The following ZNFX1 variants were observed in gnomAD, a reference collection of about 807,000 sequenced individuals.
The protein encoded by ZNFX1 is NFX1-type zinc finger-containing protein 1.
In ZNFX1, 78 loss-of-function variants were observed where a neutral mutation model predicts 179.8. That is an observed-to-expected ratio of 0.43 (90% CI 0.36 to 0.52). ZNFX1 has a LOEUF of 0.52. Among genes scored for constraint, ZNFX1 ranks in the 20% least tolerant of loss-of-function variants. The pLI is 0.00. For missense variants in ZNFX1, 1,927 were observed against 2,386.6 expected (o/e 0.81, Z 4.01); for synonymous variants, 848 against 868.5 (o/e 0.98, Z 0.42).
chr20:49,252,648 T>C, intron 12 of ZNFX1, 72 bp downstream of exon 12: 1 of 1,065,064 alleles, frequency 9.4e-7, no homozygotes, highest in South Asian at 1.3e-5. Context: ...GAGACCTCTT[T>C]TGCTGGCAAC....
At chr20:49,275,204 G>A (rs551288580) in intron 2 of ZNFX1, among the ~76,000 whole-genome samples, 11 of 152,078 alleles carry the variant, frequency 7.2e-5, no homozygotes, top group African/African-American at 2.2e-4. Context: ...TACACCAAAC[G>A]TCATTTCCCT....
In ZNFX1 at chr20:49,247,102, C is replaced by T. The variant is rs1030604431; in HGVS notation, c.*165G>A. On this transcript the variant is annotated 3_prime_UTR_variant, in exon 14 of 14. Transcript: ENST00000396105. ...CAGGCTGGTCTCGAACTCCTGACCT[C>T]GTGATCCGCCTGCCTCGGCCTCCCA... is the stretch of plus-strand genomic sequence containing the variant. The T allele has an allele frequency of 2.1e-5, 18 of 877,646 alleles. No individual in the cohort carries two copies. Among genetic ancestry groups the T allele is most frequent in the Admixed American group, 1.2e-4 (4 of 33,916 alleles). 54.4% of individuals were successfully genotyped at this position (877,646 alleles called of 1,614,324 possible). A position where few individuals can be genotyped will look rare whatever the true frequency, so the allele number is the denominator to read the frequency against.
At chr20:49,271,777 C>T (rs1428844132) in intron 2 of ZNFX1, 27 bp from the exon 3 acceptor site, 3 of 1,561,228 alleles carry the variant, frequency 1.9e-6, no homozygotes, top group Non-Finnish European at 2.6e-6. Flanking sequence ...ATTGAGTAAC[C>T]ACAAGAACCA....
chr20:49,274,035 A>T (rs982387754), intron 2 of ZNFX1, among the ~76,000 whole-genome samples: 2 of 152,242 alleles, frequency 1.3e-5, no homozygotes, highest in Non-Finnish European at 2.9e-5. Context: ...CTTATGGAAA[A>T]GCAGGAATCC....
At position 49,271,306 on chromosome 20, in the gene ZNFX1, C is replaced by A. The variant is rs764150528; in HGVS notation, c.506G>T (p.Gly169Val). The change falls in exon 3 of 14, where the codon GGG (glycine) becomes GTG (valine). Residue 169 changes from glycine (G) to valine (V), a missense_variant. Gly to Val is a moderately radical substitution (Grantham distance 109). Transcript: ENST00000396105. ...AGAATGAGAAAGGAGCTCTTTCAGCCCTAAACTTGTGGCAAGTGTGATGAC... is the reference window on the plus strand; with the variant it reads ...AGAATGAGAAAGGAGCTCTTTCAGCACTAAACTTGTGGCAAGTGTGATGAC... The part of the protein sequence containing the change: ...EVVITLATSL[G>V]LKELLSHSSM... 6.2e-7 allele frequency: 1 copy of A among 1,614,140 alleles called. No individual in the cohort carries two copies. The highest frequency in any genetic ancestry group is 8.5e-7 in the Non-Finnish European group (1 of 1,180,022).
rs1261525482 is a variant in ZNFX1, at chr20:49,257,553, A to G, written c.2528T>C (p.Val843Ala). 2 of 1,613,234 alleles carry G rather than the reference A, an allele frequency of 1.2e-6. No homozygotes were observed. The highest frequency in any genetic ancestry group is 1.7e-5 in the Admixed American group (1 of 59,884). Residue 843 changes from valine (V) to alanine (A), a missense_variant, in exon 8 of 14, where the codon GTG becomes GCG. Coordinates refer to ENST00000396105, the MANE Select transcript of ZNFX1 (RefSeq NM_021035.3). ...CTTCTTCCGCCGCTGGGGCCTCACC[A>G]CCTCTTCCTCCTCAATCACCCGGTC... The part of the protein sequence containing the change: ...QADRVIEEEE[V>A]VRPQRRKKEE...
chr20:49,250,569 GAC>G (rs1445128175), intron 13 of ZNFX1, among the ~76,000 whole-genome samples: 3 of 151,276 alleles, frequency 2.0e-5, no homozygotes, highest in Admixed American at 1.3e-4. Flanking sequence ...TTTTTTTTGA[GAC>G]AGAGTTCACT....
chr20:49,270,867 T>A lies in ZNFX1; in HGVS notation c.945A>T (p.Arg315Ser), dbSNP rs1274185221. 1 of 1,614,146 alleles carries A rather than the reference T, an allele frequency of 6.2e-7. No homozygotes were observed. The highest frequency in any genetic ancestry group is 1.1e-5 in the South Asian group (1 of 91,086). Residue 315 changes from arginine (R) to serine (S), a missense_variant, in exon 3 of 14, where the codon AGA becomes AGT. Transcript: ENST00000396105. This position sits in a 1 kb window ranked among gnomAD's most constrained non-coding sequence, Gnocchi z 4.6. ...LQEKRREGTL[R>S]VDTYTLVQPE... Reference sequence around the variant, plus strand: ...GCTGCACTAGAGTGTAGGTATCCACTCTCAAAGTGCCCTCTCGCCTCTTTT... The same window carrying A: ...GCTGCACTAGAGTGTAGGTATCCACACTCAAAGTGCCCTCTCGCCTCTTTT...
chr20:49,259,438 T>G (rs1173683206), intron 7 of ZNFX1, among the ~76,000 whole-genome samples: 2 of 152,136 alleles, frequency 1.3e-5, no homozygotes, highest in Non-Finnish European at 2.9e-5. Flanking sequence ...CTTGCCTTTT[T>G]TTTTTTTGAG....
Position 49,264,845 on chromosome 20 carries a change from C to A in ZNFX1, c.2022G>T (p.Lys674Asn), listed in dbSNP as rs147430984. 1,946 of 1,614,196 alleles carry A rather than the reference C, an allele frequency of 1.2e-3. 34 individuals are homozygous for A. In the Admixed American group the frequency reaches 0.03, roughly 25 times the overall value. The change falls in exon 5 of 14, where the codon AAG becomes AAT. Residue 674 changes from lysine to asparagine, a missense_variant. Lys to Asn is a moderately conservative substitution (Grantham distance 94, BLOSUM62 0). Coordinates refer to ENST00000396105, the MANE Select transcript of ZNFX1 (RefSeq NM_021035.3). ...TTCCACCCACCCGCACAATGCTGGTCTTCTGACAATTGTAGATGCCTGTGG... is the reference window on the plus strand; with the variant it reads ...TTCCACCCACCCGCACAATGCTGGTATTCTGACAATTGTAGATGCCTGTGG... ...QFLEGIYNCQ[K>N]TSIVRVGGRS...
At chr20:49,273,125 ATTT>A (rs1258914903) in intron 2 of ZNFX1, among the ~76,000 whole-genome samples, 1 of 152,040 alleles carries the variant, frequency 6.6e-6, no homozygotes, top group Non-Finnish European at 1.5e-5. Context: ...TTTGTAGAGA[ATTT>A]TATTTTTTAT....
At chr20:49,260,226 T>C (rs1017245226) in intron 7 of ZNFX1, among the ~76,000 whole-genome samples, 3 of 150,548 alleles carry the variant, frequency 2.0e-5, no homozygotes, top group Admixed American at 2.0e-4. Context: ...AAGGTGGAGG[T>C]TGCAGTGAGC....
Position 49,246,330 on chromosome 20 carries a change from C to G in ZNFX1, c.*937G>C, listed in dbSNP as rs1255688556. ...GTCACTCCTTAATGACGACCTGGGC[C>G]TGCTGCATAAGGCCCATCTTATGCA... On this transcript the variant is annotated 3_prime_UTR_variant, in exon 14 of 14. Transcript: ENST00000396105. 1 of 152,652 alleles carries G rather than the reference C, an allele frequency of 6.6e-6. No homozygotes were observed. The highest frequency in any genetic ancestry group is 2.4e-5 in the African/African-American group (1 of 41,416). The allele number at this position is 152,652 out of a possible 1,614,324, so 9.5% of individuals were successfully genotyped here. A position where few individuals can be genotyped will look rare whatever the true frequency, so the allele number is the denominator to read the frequency against.
Position 49,252,811 on chromosome 20 carries a change from A to G in ZNFX1, c.3125T>C (p.Val1042Ala). The G allele has an allele frequency of 1.2e-6, 2 of 1,614,148 alleles. No individual in the cohort carries two copies. Among genetic ancestry groups the G allele is most frequent in the Non-Finnish European group, 1.7e-6 (2 of 1,180,000 alleles). Reference sequence around the variant, plus strand: ...GTTGAAGTTCTTGGCCAGATCATACACGTTGGCACTGGGGCGCAGCTGAGA... The same window carrying G: ...GTTGAAGTTCTTGGCCAGATCATACGCGTTGGCACTGGGGCGCAGCTGAGA... ...DHQQLRPSAN[V>A]YDLAKNFNLE... The change falls in exon 12 of 14, where the codon GTG (valine) becomes GCG (alanine). Residue 1042 changes from valine to alanine, a missense_variant. Physicochemically the swap from Val to Ala is moderately conservative, Grantham distance 64 (BLOSUM62 0). Transcript: ENST00000396105.
intron 2 of ZNFX1, among the ~76,000 whole-genome samples, chr20:49,273,297 T>C (rs2146743866): frequency 6.6e-6 from 1 of 152,138 alleles, no homozygotes; most frequent in South Asian, 2.1e-4. Flanking sequence ...CACACCTGGC[T>C]ACTTTTTTGT....
In ZNFX1 at chr20:49,257,503, A is replaced by C. The variant is rs759556150; in HGVS notation, c.2578T>G (p.Leu860Val). 1.2e-6 allele frequency: 2 copies of C among 1,613,300 alleles called. No homozygotes were observed. Among genetic ancestry groups the C allele is most frequent in the African/African-American group, 1.3e-5 (1 of 74,752 alleles). The part of the protein sequence containing the change: ...KKEESGADQE[L>V]AKMLLAMRLD... ...CTCATGGCCAGAAGCATTTTAGCCA[A>C]CTCCTGGTCTGCTCCACTCTCTTCC... is the stretch of plus-strand genomic sequence containing the variant. Residue 860 changes from leucine (L) to valine (V), a missense_variant, in exon 8 of 14, where the codon TTG becomes GTG. Coordinates refer to ENST00000396105, the MANE Select transcript of ZNFX1 (RefSeq NM_021035.3).
Position 49,271,212 on chromosome 20 carries a change from A to G in ZNFX1, c.600T>C (p.Asp200=). Residue 200 remains aspartate, a synonymous_variant, in exon 3 of 14, where the codon GAT becomes GAC. Transcript: ENST00000396105. The part of the protein sequence containing the change: ...VLRKACSSKM[D]RQSVLHVLGI... ...CCAGTACATGGAGAACACTCTGGCGATCCATTTTGGAGCTACAAGCCTTCC... is the reference window on the plus strand; with the variant it reads ...CCAGTACATGGAGAACACTCTGGCGGTCCATTTTGGAGCTACAAGCCTTCC... The G allele has an allele frequency of 6.2e-7, 1 of 1,614,132 alleles. No homozygotes were observed. Among genetic ancestry groups the G allele is most frequent in the Non-Finnish European group, 8.5e-7 (1 of 1,180,028 alleles).
At chr20:49,271,878 C>T (rs550434028) in intron 2 of ZNFX1, 128 bp from the exon 3 acceptor site, 8 of 1,074,352 alleles carry the variant, frequency 7.4e-6, no homozygotes, top group African/African-American at 4.8e-5. Flanking sequence ...GTAAGAAAAA[C>T]GGTTTCTACC....
rs750093442 is a variant in ZNFX1, at chr20:49,246,828, C to G, written c.*439G>C. On this transcript the variant is annotated 3_prime_UTR_variant, in exon 14 of 14. Coordinates refer to ENST00000396105, the MANE Select transcript of ZNFX1 (RefSeq NM_021035.3). ...AATCTAGAAACAAATGTGGGTGAGC[C>G]CTAAAAGTGGATCCTTAAGTAGGTG... The G allele has an allele frequency of 3.1e-5, 14 of 455,934 alleles. No homozygotes were observed. Among genetic ancestry groups the G allele is most frequent in the South Asian group, 2.0e-4 (13 of 64,408 alleles). The allele number at this position is 455,934 out of a possible 1,614,324, so 28.2% of individuals were successfully genotyped here. A position where few individuals can be genotyped will look rare whatever the true frequency, so the allele number is the denominator to read the frequency against.
Sources: allele counts gnomAD v4.1 joint callset (sites outside exome capture counted in the v4.1 genomes callset), GRCh38; gene constraint gnomAD v4.1.1; non-coding constraint Gnocchi (gnomAD v3.1); transcripts MANE v1.5; gene names NCBI Gene and HGNC (gene_info 2026-07-23, HGNC 2026-07-21).